The following NICOL1 variants were observed in gnomAD, a reference collection of about 807,000 sequenced individuals.
NICOL1 encodes NELL2 interacting cell ontogeny regulator 1.
chr4:2,038,103 G>C, the NICOL1 span, among the ~76,000 whole-genome samples: 1 of 150,242 alleles, frequency 6.7e-6, no homozygotes, highest in African/African-American at 2.4e-5. Context: ...CCAAACATAT[G>C]GAAGTTTTCA....
chr4:2,042,844 C>T, the NICOL1 span: 6 of 1,463,172 alleles, frequency 4.1e-6, no homozygotes, highest in African/African-American at 7.3e-5. Context: ...CGCGGCGCGA[C>T]GGTCCTCCCG....
the NICOL1 span, chr4:2,042,281 C>T: frequency 2.1e-6 from 2 of 940,920 alleles, no homozygotes; most frequent in Non-Finnish European, 1.4e-6. Flanking sequence ...GGCTCACCGG[C>T]CCGGGGCGGG....
chr4:2,043,907 G>A, the NICOL1 span: 3 of 1,549,082 alleles, frequency 1.9e-6, no homozygotes, highest in Admixed American at 3.9e-5. Context: ...CTGTGTGCCT[G>A]CTGGCCAGCG....
the NICOL1 span, among the ~76,000 whole-genome samples, chr4:2,037,128 C>T: frequency 4.6e-5 from 7 of 152,148 alleles, no homozygotes; most frequent in African/African-American, 1.4e-4. Flanking sequence ...CTGTCTTCCT[C>T]CTGCTCTGCC....
chr4:2,040,702 C>T, the NICOL1 span, among the ~76,000 whole-genome samples: 1 of 152,206 alleles, frequency 6.6e-6, no homozygotes, highest in Admixed American at 6.5e-5. Context: ...GCCCGCAGCC[C>T]CCACCCGGCC....
At chr4:2,038,201 T>C in the NICOL1 span, among the ~76,000 whole-genome samples, 4 of 136,434 alleles carry the variant, frequency 2.9e-5, no homozygotes, top group East Asian at 6.4e-4. Context: ...TTTAAATTAT[T>C]TGACATGTTT....
the NICOL1 span, chr4:2,042,139 G>C: frequency 1.4e-6 from 2 of 1,456,448 alleles, no homozygotes; most frequent in African/African-American, 3.0e-5. Context: ...GGCTCGCTGG[G>C]CCCGGAGACC....
At chr4:2,043,723 G>T in the NICOL1 span, 3 of 643,398 alleles carry the variant, frequency 4.7e-6, no homozygotes, top group Admixed American at 9.2e-5. Context: ...GAGGCTCTGG[G>T]TGTGGGGGTT....
At chr4:2,042,101 G>T in the NICOL1 span, 1 of 1,484,088 alleles carries the variant, frequency 6.7e-7, no homozygotes, top group Non-Finnish European at 8.9e-7. Context: ...CCGAATGGGC[G>T]TTTTCTAGAT....
At chr4:2,041,982 C>T in the NICOL1 span, 288 of 1,456,618 alleles carry the variant, frequency 2.0e-4, no homozygotes, top group African/African-American at 3.9e-3. Flanking sequence ...CGGGCGGGGT[C>T]GGGTCGGAGC....
the NICOL1 span, among the ~76,000 whole-genome samples, chr4:2,038,557 A>C: frequency 2.6e-5 from 4 of 152,114 alleles, no homozygotes; most frequent in East Asian, 7.7e-4. Flanking sequence ...TCTTATAAGC[A>C]CAAGCCACTG....
the NICOL1 span, chr4:2,041,950 C>G: frequency 6.9e-7 from 1 of 1,450,794 alleles, no homozygotes; most frequent in Non-Finnish European, 9.0e-7. Context: ...GTTTCCATGA[C>G]GACGACGTCG....
the NICOL1 span, among the ~76,000 whole-genome samples, chr4:2,036,811 C>T: frequency 6.6e-5 from 10 of 152,152 alleles, 1 homozygote; most frequent in South Asian, 2.1e-3. Context: ...AATGGGGAGA[C>T]ACGGCTATGG....
At chr4:2,039,141 C>T in the NICOL1 span, among the ~76,000 whole-genome samples, 98 of 152,206 alleles carry the variant, frequency 6.4e-4, no homozygotes, top group South Asian at 5.2e-3. Flanking sequence ...TGGCTGAACT[C>T]GGTGGCTCAT....
At chr4:2,039,572 C>T in the NICOL1 span, among the ~76,000 whole-genome samples, 7 of 151,950 alleles carry the variant, frequency 4.6e-5, no homozygotes, top group African/African-American at 1.2e-4. Context: ...CAGTGGCTCA[C>T]GCCTGGATTC....
chr4:2,042,788 G>A, the NICOL1 span: 3 of 1,518,020 alleles, frequency 2.0e-6, 1 homozygote, highest in South Asian at 3.6e-5. Context: ...GCGCCCTGCA[G>A]GACCTGCGGA....
the NICOL1 span, among the ~76,000 whole-genome samples, chr4:2,043,433 C>A: frequency 1.3e-5 from 2 of 152,176 alleles, no homozygotes; most frequent in South Asian, 2.1e-4. Context: ...TGGTCCCACC[C>A]CCCACCAGCC....
At chr4:2,042,857 C>G in the NICOL1 span, 4 of 1,426,494 alleles carry the variant, frequency 2.8e-6, no homozygotes. Flanking sequence ...TCCTCCCGGG[C>G]TTCCCAGGGG....
At chr4:2,037,910 G>C in the NICOL1 span, among the ~76,000 whole-genome samples, 2 of 151,190 alleles carry the variant, frequency 1.3e-5, no homozygotes, top group Non-Finnish European at 3.0e-5. Flanking sequence ...TGATACATAA[G>C]TTTTCAGCAT....
Sources: gnomAD v4.1 joint callset for allele counts (sites outside exome capture counted in the v4.1 genomes callset) on GRCh38, gnomAD v4.1.1 for gene constraint, MANE v1.5 for transcripts, NCBI Gene and HGNC (gene_info 2026-07-23, HGNC 2026-07-21) for gene names.